The following SYNE2 variants were observed in gnomAD, a reference collection of about 807,000 sequenced individuals.
SYNE2 encodes spectrin repeat containing nuclear envelope protein 2.
Under a neutral mutation model 856.3 loss-of-function variants are expected in SYNE2, and 431 were observed. That is an observed-to-expected ratio of 0.50 (90% CI 0.47 to 0.55). SYNE2 has a LOEUF of 0.55. SYNE2 is among the 20% of genes least tolerant of loss of function. The probability of loss-of-function intolerance (pLI) is 0.00; values close to 1 mark genes in which losing one functional copy is unlikely to be tolerated. For synonymous variants in SYNE2, 2,923 were observed against 2,872.3 expected (o/e 1.02, Z -0.56); for missense variants, 8,129 against 8,023.2 (o/e 1.01, Z -0.50).
intron 8 of SYNE2, chr14:63,956,593 T>C (rs1372998730): frequency 1.1e-5 from 4 of 363,280 alleles, no homozygotes; most frequent in African/African-American, 8.5e-5. Flanking sequence ...TGATGTATCA[T>C]TTAAGTATAC....
chr14:64,124,004 A>C (rs1595682978), intron 70 of SYNE2, among the ~76,000 whole-genome samples: 1 of 152,124 alleles, frequency 6.6e-6, no homozygotes, highest in East Asian at 1.9e-4. Context: ...CAGGAGTTCA[A>C]GACCAGCCTA....
At chr14:64,172,047 C>A (rs1041758770) in intron 94 of SYNE2, among the ~76,000 whole-genome samples, 2 of 152,124 alleles carry the variant, frequency 1.3e-5, no homozygotes, top group Non-Finnish European at 2.9e-5. Flanking sequence ...GACAAGGTTT[C>A]ACCCTGTTGG....
At chr14:63,821,018 AG>A (rs1889192868) in intron 1 of SYNE2, among the ~76,000 whole-genome samples, 1 of 152,076 alleles carries the variant, frequency 6.6e-6, no homozygotes, top group Non-Finnish European at 1.5e-5. Flanking sequence ...TTGGGATTAC[AG>A]GTGTGAGCCA....
chr14:64,157,131 G>A (rs2098292635), intron 85 of SYNE2, among the ~76,000 whole-genome samples: 1 of 152,056 alleles, frequency 6.6e-6, no homozygotes, highest in South Asian at 2.1e-4. Context: ...CACCTTCTAA[G>A]GTATAGTTCA....
At chr14:64,181,350 G>A (rs913616348) in intron 96 of SYNE2, among the ~76,000 whole-genome samples, 13 of 152,238 alleles carry the variant, frequency 8.5e-5, no homozygotes, top group Admixed American at 4.6e-4. Flanking sequence ...TGGTAACAAC[G>A]GAAATAATTT....
At chr14:63,855,671 A>G (rs927271678) in intron 1 of SYNE2, among the ~76,000 whole-genome samples, 3 of 152,072 alleles carry the variant, frequency 2.0e-5, no homozygotes, top group Admixed American at 6.6e-5. Flanking sequence ...CGCGACTCCC[A>G]TTCCTCCTTT....
At chr14:63,872,761 C>CAA (rs36125169) in intron 1 of SYNE2, among the ~76,000 whole-genome samples, 2,880 of 87,720 alleles carry the variant, frequency 0.033, 141 homozygotes, top group Middle Eastern at 0.064. Flanking sequence ...GACTCTGCCT[C>CAA]AAAAAAAAAA....
intron 66 of SYNE2, among the ~76,000 whole-genome samples, chr14:64,118,364 T>C (rs1056730624): frequency 6.6e-6 from 1 of 152,236 alleles, no homozygotes; most frequent in African/African-American, 2.4e-5. Flanking sequence ...CCAGCTGATA[T>C]ATTTTTAGAT....
chr14:63,981,035 T>C lies in SYNE2; in HGVS notation c.1698T>C (p.Asp566=), dbSNP rs764373442. 18 of 1,576,654 alleles carry C rather than the reference T, an allele frequency of 1.1e-5. No homozygotes were observed. The Admixed American group carries it at 3.0e-4, about 26-fold the overall frequency. Residue 566 remains aspartate (D), a synonymous_variant, in exon 16 of 116, where the codon GAT becomes GAC. Transcript: ENST00000555002. The part of the protein sequence containing the change: ...INKQYMMVKS[D]VCMYRKNIYN... The stretch of plus-strand genomic sequence containing the variant: ...AACAGTATATGATGGTGAAATCTGA[T>C]GTTTGTATGTATAGAAAAAATATAT...
chr14:64,000,514 G>A (rs1331233117), intron 27 of SYNE2, 48 bp from the exon 28 acceptor site: 2 of 1,516,952 alleles, frequency 1.3e-6, no homozygotes, highest in Non-Finnish European at 1.8e-6. Context: ...GAATAATTGT[G>A]TCTATTAACC....
intron 1 of SYNE2, among the ~76,000 whole-genome samples, chr14:63,872,786 A>G (rs1288850241): frequency 2.1e-5 from 3 of 141,886 alleles, no homozygotes; most frequent in Non-Finnish European, 4.7e-5. Context: ...AAAAAAGATG[A>G]TATGTAATTA....
At chr14:63,908,441 T>G (rs1393144181) in intron 1 of SYNE2, among the ~76,000 whole-genome samples, 1 of 152,154 alleles carries the variant, frequency 6.6e-6, no homozygotes, top group East Asian at 1.9e-4. Context: ...CATGAAGCAA[T>G]GCTTTTAAAG....
chr14:64,188,785 A>T, intron 98 of SYNE2, 77 bp downstream of exon 98: 1 of 1,465,418 alleles, frequency 6.8e-7, no homozygotes, highest in Non-Finnish European at 9.5e-7. Context: ...AAGCCCAAAC[A>T]GGGGCAATGT....
chr14:63,805,509 C>T (rs1888327382), intron 1 of SYNE2, among the ~76,000 whole-genome samples: 1 of 152,158 alleles, frequency 6.6e-6, no homozygotes, highest in African/African-American at 2.4e-5. Context: ...GCCTCAGCCT[C>T]TCCGAGTAGC....
Position 63,791,953 on chromosome 14 carries a change from A to AC in SYNE2, c.-305+29967_-305+29968insC, listed in dbSNP as rs1218247306. 4.6e-5 allele frequency among the ~76,000 whole-genome samples: 7 copies of AC among 151,438 alleles called. 1 individual carries two copies. Among genetic ancestry groups the AC allele is most frequent in the Non-Finnish European group, 8.8e-5 (6 of 67,832 alleles). ...AGCGAGACTCCGTCTCAAAAAAAAA[A>AC]ACAAAAACAAAACTTAAAAATGAAC... On this transcript the variant is annotated intron_variant, in intron 1 of 23. Coordinates refer to the SYNE2 transcript ENST00000674003.
intron 1 of SYNE2, among the ~76,000 whole-genome samples, chr14:63,778,121 G>A (rs139274167): frequency 1.4e-4 from 21 of 152,240 alleles, no homozygotes; most frequent in Non-Finnish European, 2.9e-4. Flanking sequence ...GCTGGTGGGC[G>A]GTGACTGGAT....
chr14:64,126,351 A>G lies in SYNE2; in HGVS notation c.13579A>G (p.Ile4527Val), dbSNP rs367706857. 5.0e-6 allele frequency: 8 copies of G among 1,614,002 alleles called. No individual in the cohort carries two copies. In the African/African-American group the frequency reaches 6.7e-5, roughly 13 times the overall value. Residue 4527 changes from isoleucine to valine, a missense_variant, in exon 72 of 116, where the codon ATC becomes GTC. Around this residue, in one of 3 missense-constraint regions of SYNE2, gnomAD observed 5,410 missense variants for 5,284.8 expected, o/e 1.02. Coordinates refer to ENST00000555002, the MANE Select transcript of SYNE2 (RefSeq NM_182914.3). ...TQENMTEEAYINLDKKLFELF... is the reference protein window; with the variant it reads ...TQENMTEEAYVNLDKKLFELF... ...GGAAAATATGACAGAAGAAGCATAT[A>G]TCAATTTGGATAAAAAATTGTTTGA...
chr14:64,170,249 C>T lies in SYNE2; in HGVS notation c.17022C>T (p.Phe5674=). 2 of 1,613,940 alleles carry T rather than the reference C, an allele frequency of 1.2e-6. No individual in the cohort carries two copies. Among genetic ancestry groups the T allele is most frequent in the Non-Finnish European group, 8.5e-7 (1 of 1,180,040 alleles). The change falls in exon 94 of 116, where the codon TTC becomes TTT. Residue 5674 remains phenylalanine (F), a synonymous_variant. Transcript: ENST00000555002. Reference sequence around the variant, plus strand: ...CCAGACCAGAATTTATTACAGAATTCTCAAAGCTGACGGATCGGTGGCAGA... The same window carrying T: ...CCAGACCAGAATTTATTACAGAATTTTCAAAGCTGACGGATCGGTGGCAGA... ...IENRPEFITE[F]SKLTDRWQNA... is the part of the protein sequence containing the mutation.
chr14:64,000,262 T>A (rs1297978011), intron 27 of SYNE2, among the ~76,000 whole-genome samples: 1 of 152,246 alleles, frequency 6.6e-6, no homozygotes, highest in Non-Finnish European at 1.5e-5. Flanking sequence ...CTTACATGTA[T>A]GTATTTTTCT....
Sources: gnomAD v4.1 joint callset for allele counts (sites outside exome capture counted in the v4.1 genomes callset) on GRCh38, gnomAD v4.1.1 for gene constraint, gnomAD v4.1.1 regional missense constraint, MANE v1.5 for transcripts, NCBI Gene and HGNC (gene_info 2026-07-23, HGNC 2026-07-21) for gene names.